The following TNK1 variants were observed in gnomAD, a reference collection of about 807,000 sequenced individuals.
TNK1 encodes tyrosine kinase non receptor 1.
In TNK1, 53 loss-of-function variants were observed where a neutral mutation model predicts 65.2. The observed-to-expected ratio is 0.81, with a 90% confidence interval of 0.65 to 1.02. The LOEUF (loss-of-function observed/expected upper bound fraction) is 1.02. TNK1 is among the 50% of genes least tolerant of loss of function. The pLI, the probability that TNK1 is intolerant of heterozygous loss-of-function variation, is 0.00. For missense variants in TNK1, 837 were observed against 878.4 expected (o/e 0.95, Z 0.60); for synonymous variants, 353 against 364.6 (o/e 0.97, Z 0.36).
In TNK1 at chr17:7,385,376, A is replaced by AAAAG. The variant is rs769198091; in HGVS notation, c.1137+624_1137+625insAGAA. ...GCGAACTCCGTCTCAAAAAAAAAAA[A>AAAAG]AAGAAGAAGAAGAAGAAGTAATGAG... On this transcript the variant is annotated intron_variant, in intron 7 of 12. Coordinates refer to ENST00000688331, the MANE Select transcript of TNK1 (RefSeq NM_003985.6). Among the ~76,000 whole-genome samples the AAAAG allele has an allele frequency of 3.8e-3, 564 of 150,164 alleles. 1 individual carries two copies. The highest frequency in any genetic ancestry group is 5.6e-3 in the Non-Finnish European group (380 of 67,624).
chr17:7,387,458 G>T lies in TNK1; in HGVS notation c.1477+1G>T. ...AACATGCCCCTGGAGAGGATGAAAG[G>T]TGGGTGTGGTGGACTCCAGAGTCTC... On this transcript the variant is annotated splice_donor_variant, in intron 10 of 12. Coordinates refer to ENST00000688331, the MANE Select transcript of TNK1 (RefSeq NM_003985.6). LOFTEE classifies it high-confidence loss of function. 1.9e-6 allele frequency: 3 copies of T among 1,565,656 alleles called. No individual in the cohort carries two copies. Among genetic ancestry groups the T allele is most frequent in the Non-Finnish European group, 2.6e-6 (3 of 1,154,802 alleles).
rs1270057076 is a variant in TNK1, at chr17:7,384,732, A to G, written c.1115A>G (p.His372Arg). The change falls in exon 7 of 13, where the codon CAC becomes CGC. Residue 372 changes from histidine to arginine, a missense_variant. Physicochemically the swap from His to Arg is conservative, Grantham distance 29 (BLOSUM62 0). Transcript: ENST00000688331. ...CCTGCCGACCGGCCTAGCTTTTCCC[A>G]CCTGGAGGGGCTGCTGCAAGAGGTG... The part of the protein sequence containing the change: ...PHPADRPSFS[H>R]LEGLLQEAGP... 1 of 1,581,470 alleles carries G rather than the reference A, an allele frequency of 6.3e-7. No individual in the cohort carries two copies. The highest frequency in any genetic ancestry group is 2.3e-5 in the East Asian group (1 of 43,208).
At chr17:7,387,252 A>G in intron 9 of TNK1, 98 bp downstream of exon 9, 1 of 1,507,284 alleles carries the variant, frequency 6.6e-7, no homozygotes, top group South Asian at 1.3e-5. Flanking sequence ...GACCAGAGTG[A>G]AGCTGCAGCC....
Position 7,387,445 on chromosome 17 carries a change from G to A in TNK1, c.1465G>A (p.Glu489Lys), listed in dbSNP as rs1255648741. 1.3e-6 allele frequency: 2 copies of A among 1,589,170 alleles called. No homozygotes were observed. Among genetic ancestry groups the A allele is most frequent in the South Asian group, 1.1e-5 (1 of 87,702 alleles). Reference protein sequence around the residue: ...ARGQRRNMPLERMKGISRSLE... With the variant: ...ARGQRRNMPLKRMKGISRSLE... ...GGGCCAGAGGAGGAACATGCCCCTGGAGAGGATGAAAGGTGGGTGTGGTGG... is the reference window on the plus strand; with the variant it reads ...GGGCCAGAGGAGGAACATGCCCCTGAAGAGGATGAAAGGTGGGTGTGGTGG... The change falls in exon 10 of 13, where the codon GAG (glutamate) becomes AAG (lysine). Residue 489 changes from glutamate to lysine, a missense_variant. Glu to Lys is a moderately conservative substitution (Grantham distance 56, BLOSUM62 1). Coordinates refer to ENST00000688331, the MANE Select transcript of TNK1 (RefSeq NM_003985.6).
chr17:7,384,029 A>T lies in TNK1; in HGVS notation c.642A>T (p.Thr214=). The T allele has an allele frequency of 6.6e-7, 1 of 1,510,144 alleles. No homozygotes were observed. Among genetic ancestry groups the T allele is most frequent in the Non-Finnish European group, 8.8e-7 (1 of 1,134,138 alleles). 93.5% of individuals were successfully genotyped at this position (1,510,144 alleles called of 1,614,324 possible). ...CGCGCCTAACGGCCCCGGCCCCGAC[A>T]CCCCCGCTGCTCGTGGCCCTGCTCT... ...LHARLTAPAP[T]PPLLVALLCL... Residue 214 remains threonine, a synonymous_variant, in exon 6 of 13, where the codon ACA becomes ACT. Transcript: ENST00000688331.
upstream of TNK1, chr17:7,380,664 T>A (rs1904758785): frequency 6.6e-6 from 1 of 152,282 alleles, no homozygotes; most frequent in Non-Finnish European, 1.5e-5. Context: ...CCCCCTGCCA[T>A]GGGGCAGGAA....
intron 9 of TNK1, 89 bp downstream of exon 9, chr17:7,387,243 A>G (rs1323596111): frequency 2.0e-6 from 3 of 1,514,794 alleles, no homozygotes; most frequent in Admixed American, 2.1e-5. Flanking sequence ...TGGGGACAGG[A>G]CCAGAGTGAA....
rs755470584 is a variant in TNK1, at chr17:7,383,242, T to C, written c.164-8T>C. The C allele has an allele frequency of 5.6e-6, 9 of 1,613,926 alleles. No homozygotes were observed. Among genetic ancestry groups the C allele is most frequent in the Non-Finnish European group, 7.6e-6 (9 of 1,179,858 alleles). Reference sequence around the variant, plus strand: ...CTCCACTCCAGCCCTGATTCTGGCCTCCCACAGCCCAGCGCAGACTGTCCG... The same window carrying C: ...CTCCACTCCAGCCCTGATTCTGGCCCCCCACAGCCCAGCGCAGACTGTCCG... On this transcript the variant is annotated splice_polypyrimidine_tract_variant and splice_region_variant and intron_variant, in intron 2 of 12. Transcript: ENST00000688331.
intron 3 of TNK1, 30 bp downstream of exon 3, chr17:7,383,350 T>C (rs555557171): frequency 2.2e-5 from 35 of 1,613,822 alleles, no homozygotes; most frequent in Non-Finnish European, 3.0e-5. Flanking sequence ...AGCTTGGGCC[T>C]GGGAATGAGG....
chr17:7,382,763 G>C lies in TNK1; in HGVS notation c.-91-73G>C. On this transcript the variant is annotated intron_variant, in intron 1 of 12. Coordinates refer to ENST00000688331, the MANE Select transcript of TNK1 (RefSeq NM_003985.6). The surrounding 1 kb of genome is among the most constrained non-coding windows in gnomAD (Gnocchi z 4.1). ...AACATTCTATCTGGGATTTGTGTGC[G>C]TGAGTGGCAGGGATCCTGGCTGTCT... The C allele has an allele frequency of 2.8e-6, 2 of 721,532 alleles. No individual in the cohort carries two copies. Among genetic ancestry groups the C allele is most frequent in the Admixed American group, 2.9e-5 (1 of 33,924 alleles). The allele number at this position is 721,532 out of a possible 1,614,324, so 44.7% of individuals were successfully genotyped here.
At position 7,383,295 on chromosome 17, in the gene TNK1, C is replaced by G. The variant is rs555095271; in HGVS notation, c.209C>G (p.Pro70Arg). The G allele has an allele frequency of 5.4e-5, 87 of 1,614,032 alleles. No homozygotes were observed. The Middle Eastern group carries it at 1.2e-3, about 21-fold the overall frequency. The change falls in exon 3 of 13, where the codon CCT (proline) becomes CGT (arginine). Residue 70 changes from proline to arginine, a missense_variant. Physicochemically the swap from Pro to Arg is moderately radical, Grantham distance 103. Coordinates refer to ENST00000688331, the MANE Select transcript of TNK1 (RefSeq NM_003985.6). The stretch of plus-strand genomic sequence containing the variant: ...GCTCTGAAAAGGCTACGTTCTGGGC[C>G]TAAGTCTAAGAACTGGGTCTACAAG... ...SEALKRLRSGPKSKNWVYKIL... is the reference protein window; with the variant it reads ...SEALKRLRSGRKSKNWVYKIL...
chr17:7,381,637 C>CCTAA (rs1392525174), intron 1 of TNK1, among the ~76,000 whole-genome samples: 4 of 152,236 alleles, frequency 2.6e-5, no homozygotes, highest in African/African-American at 9.6e-5. Context: ...ATAGGCAGCA[C>CCTAA]CTAAGCCTAG....
chr17:7,382,847 G>C lies in TNK1; in HGVS notation c.-80G>C. 6.7e-7 allele frequency: 1 copy of C among 1,489,924 alleles called. No homozygotes were observed. The highest frequency in any genetic ancestry group is 9.1e-7 in the Non-Finnish European group (1 of 1,095,472). The allele number at this position is 1,489,924 out of a possible 1,614,324, so 92.3% of individuals were successfully genotyped here. A position where few individuals can be genotyped will look rare whatever the true frequency, so the allele number is the denominator to read the frequency against. Reference sequence around the variant, plus strand: ...CTAATGACTTGCAGGTGGAGCTGGAGACCTGGTCTCTCTAGGGCCTACCCT... The same window carrying C: ...CTAATGACTTGCAGGTGGAGCTGGACACCTGGTCTCTCTAGGGCCTACCCT... On this transcript the variant is annotated 5_prime_UTR_variant, in exon 2 of 13. Transcript: ENST00000688331. The surrounding 1 kb of genome is among the most constrained non-coding windows in gnomAD (Gnocchi z 4.1).
chr17:7,388,788 G>A lies in TNK1; in HGVS notation c.1777G>A (p.Val593Met), dbSNP rs6503018. The A allele has an allele frequency of 0.91, 1,454,623 of 1,605,486 alleles. 667,982 individuals are homozygous for A. The highest frequency in any genetic ancestry group is 0.95 in the Non-Finnish European group (1,117,902 of 1,175,980). The change falls in exon 12 of 13, where the codon GTG (valine) becomes ATG (methionine). Residue 593 changes from valine to methionine, a missense_variant and splice_region_variant. Physicochemically the swap from Val to Met is conservative, Grantham distance 21 (BLOSUM62 1). Coordinates refer to ENST00000688331, the MANE Select transcript of TNK1 (RefSeq NM_003985.6). This position sits in a 1 kb window ranked among gnomAD's most constrained non-coding sequence, Gnocchi z 4.5. ...DPELQRKIME[V>M]ELSVHGVTHQ... ...CTGAGTGAGGCTTTGTCTGTCACAG[G>A]TGGAGCTGAGTGTGCATGGGGTCAC...
intron 1 of TNK1, among the ~76,000 whole-genome samples, chr17:7,381,436 C>G (rs938644341): frequency 2.6e-5 from 4 of 152,200 alleles, no homozygotes; most frequent in Admixed American, 2.0e-4. Flanking sequence ...AGGGACGGGT[C>G]CAGGAGTGTG....
At position 7,389,495 on chromosome 17, in the gene TNK1, A is replaced by C. The variant is rs1905460659; in HGVS notation, c.*411A>C. ...GCTACCACACTGGACTCTGCAGGGC[A>C]GCCATCCTGGATGATGGAAGCCACC... On this transcript the variant is annotated 3_prime_UTR_variant, in exon 13 of 13. Transcript: ENST00000688331. 1 of 403,670 alleles carries C rather than the reference A, an allele frequency of 2.5e-6. No individual in the cohort carries two copies. Among genetic ancestry groups the C allele is most frequent in the Non-Finnish European group, 4.4e-6 (1 of 228,430 alleles). The allele number at this position is 403,670 out of a possible 1,614,324, so 25.0% of individuals were successfully genotyped here.
chr17:7,388,282 A>C lies in TNK1; in HGVS notation c.1478-124A>C. The C allele has an allele frequency of 2.0e-6, 2 of 984,774 alleles. No individual in the cohort carries two copies. Among genetic ancestry groups the C allele is most frequent in the Non-Finnish European group, 2.9e-6 (2 of 678,006 alleles). The allele number at this position is 984,774 out of a possible 1,614,324, so 61.0% of individuals were successfully genotyped here. A position where few individuals can be genotyped will look rare whatever the true frequency, so the allele number is the denominator to read the frequency against. On this transcript the variant is annotated intron_variant, in intron 10 of 12. Coordinates refer to ENST00000688331, the MANE Select transcript of TNK1 (RefSeq NM_003985.6). This position sits in a 1 kb window ranked among gnomAD's most constrained non-coding sequence, Gnocchi z 4.5. ...CTCTACAAAAATACAAAAATTAGCCAGTCGTAATGGCAGGCACCTATAGTC... is the reference window on the plus strand; with the variant it reads ...CTCTACAAAAATACAAAAATTAGCCCGTCGTAATGGCAGGCACCTATAGTC...
chr17:7,388,777 G>T lies in TNK1; in HGVS notation c.1777-11G>T. The T allele has an allele frequency of 6.2e-7, 1 of 1,605,640 alleles. No individual in the cohort carries two copies. ...GGGGCAGGGGCCTGAGTGAGGCTTT[G>T]TCTGTCACAGGTGGAGCTGAGTGTG... On this transcript the variant is annotated splice_polypyrimidine_tract_variant and intron_variant, in intron 11 of 12. Coordinates refer to ENST00000688331, the MANE Select transcript of TNK1 (RefSeq NM_003985.6). The surrounding 1 kb of genome is among the most constrained non-coding windows in gnomAD (Gnocchi z 4.5).
chr17:7,386,251 T>G (rs902302458), intron 7 of TNK1, among the ~76,000 whole-genome samples: 41 of 152,098 alleles, frequency 2.7e-4, no homozygotes, highest in African/African-American at 9.7e-4. Context: ...AGTGGAAATT[T>G]CCCAGAGGGG....
Sources: allele counts gnomAD v4.1 joint callset (sites outside exome capture counted in the v4.1 genomes callset), GRCh38; gene constraint gnomAD v4.1.1; non-coding constraint Gnocchi (gnomAD v3.1); transcripts MANE v1.5; gene names NCBI Gene and HGNC (gene_info 2026-07-23, HGNC 2026-07-21).